Variants in IL1RAPL1 observed in about 807,000 individuals in gnomAD.
The protein encoded by IL1RAPL1 is interleukin 1 receptor accessory protein like 1, also known as interleukin-1 receptor accessory protein-like 1.
Under a neutral mutation model 48.4 loss-of-function variants are expected in IL1RAPL1, and 3 were observed. That is an observed-to-expected ratio of 0.06 (90% CI 0.03 to 0.16). The LOEUF is 0.16. Ranked by LOEUF, IL1RAPL1 falls within the 10% of genes least tolerant of loss-of-function variation. IL1RAPL1 has a pLI of 1.00. For synonymous variants in IL1RAPL1, 185 were observed against 187.7 expected (o/e 0.99, Z 0.12); for missense variants, 349 against 530.6 (o/e 0.66, Z 3.36).
chrX:29,520,851 A>G (rs1349766911), intron 5 of IL1RAPL1, among the ~76,000 whole-genome samples: 1 of 111,303 alleles, frequency 9.0e-6, no homozygotes, highest in Non-Finnish European at 1.9e-5. Flanking sequence ...TACTTAATCT[A>G]GGTCTTAACA....
At chrX:29,639,135 G>A (rs181222479) in intron 5 of IL1RAPL1, among the ~76,000 whole-genome samples, 1 of 105,881 alleles carries the variant, frequency 9.4e-6, no homozygotes, top group African/African-American at 3.5e-5. Context: ...GCAGTGAGCC[G>A]AGATCGGGCC....
At chrX:29,707,231 A>G (rs1927221792) in intron 6 of IL1RAPL1, among the ~76,000 whole-genome samples, 1 of 111,750 alleles carries the variant, frequency 8.9e-6, no homozygotes, top group Non-Finnish European at 1.9e-5. Flanking sequence ...TTAAAACCAC[A>G]ATGCAGTACC....
intron 6 of IL1RAPL1, among the ~76,000 whole-genome samples, chrX:29,781,871 A>G (rs146987025): frequency 8.1e-4 from 90 of 111,612 alleles, no homozygotes; most frequent in African/African-American, 2.8e-3. Flanking sequence ...GCTAAGTATC[A>G]CTACCTCCTT....
At chrX:29,325,907 A>G (rs186302304) in intron 3 of IL1RAPL1, among the ~76,000 whole-genome samples, 5 of 110,938 alleles carry the variant, frequency 4.5e-5, no homozygotes, top group Non-Finnish European at 1.9e-5. Context: ...GAGGTGCCAC[A>G]GTTTTAAACA....
chrX:28,917,829 C>T (rs1177766125), intron 2 of IL1RAPL1, among the ~76,000 whole-genome samples: 1 of 112,347 alleles, frequency 8.9e-6, no homozygotes, highest in Non-Finnish European at 1.9e-5. Flanking sequence ...TAGGTACATT[C>T]ACATTGTTAT....
intron 1 of IL1RAPL1, among the ~76,000 whole-genome samples, chrX:28,730,488 ATATT>A (rs1935740793): frequency 8.9e-6 from 1 of 111,974 alleles, no homozygotes; most frequent in South Asian, 3.6e-4. Context: ...TAGAATGAAC[ATATT>A]TATTCAATAA....
At chrX:29,085,720 G>A (rs978306532) in intron 2 of IL1RAPL1, among the ~76,000 whole-genome samples, 1 of 111,524 alleles carries the variant, frequency 9.0e-6, no homozygotes, top group African/African-American at 3.3e-5. Context: ...TGGTGGGCAC[G>A]ATAGCAAATT....
At chrX:29,839,382 C>G (rs1931085541) in intron 6 of IL1RAPL1, among the ~76,000 whole-genome samples, 1 of 111,991 alleles carries the variant, frequency 8.9e-6, no homozygotes, top group Admixed American at 9.5e-5. Context: ...TTATACAAAG[C>G]AAATATTCTA....
intron 2 of IL1RAPL1, among the ~76,000 whole-genome samples, chrX:29,125,063 T>C (rs1167906679): frequency 1.8e-5 from 2 of 112,347 alleles, no homozygotes; most frequent in African/African-American, 6.5e-5. Context: ...CCTCTAAACA[T>C]GACCAAGATT....
At chrX:29,845,359 G>T (rs1470618922) in intron 6 of IL1RAPL1, among the ~76,000 whole-genome samples, 1 of 111,461 alleles carries the variant, frequency 9.0e-6, no homozygotes, top group East Asian at 2.8e-4. Flanking sequence ...GTTTGAAGAT[G>T]ATTCCAGAAC....
chrX:29,803,363 ACATATGTATATATGTATAC>A (rs1930134355), intron 6 of IL1RAPL1, among the ~76,000 whole-genome samples: 1 of 85,267 alleles, frequency 1.2e-5, no homozygotes, highest in African/African-American at 4.4e-5. Flanking sequence ...ACATGTATAC[ACATATGTATATATGTATAC>A]ATGTATACAC....
chrX:29,787,472 T>A (rs1483937138), intron 6 of IL1RAPL1, among the ~76,000 whole-genome samples: 1 of 112,190 alleles, frequency 8.9e-6, no homozygotes, highest in Non-Finnish European at 1.9e-5. Context: ...AGTTCTATAT[T>A]AGTAATGTGT....
chrX:29,787,322 A>G lies in IL1RAPL1; in HGVS notation c.778+118818A>G, dbSNP rs986119911. Among the ~76,000 whole-genome samples, 3 of 111,998 alleles carry G rather than the reference A, an allele frequency of 2.7e-5. No homozygotes were observed. In the Admixed American group the frequency reaches 2.8e-4, roughly 11 times the overall value. On this transcript the variant is annotated intron_variant, in intron 6 of 10. Coordinates refer to ENST00000378993, the MANE Select transcript of IL1RAPL1 (RefSeq NM_014271.4). ...AGGGCAAAGCAAGAGACCTGGCACAATGCCCATATTCTGAATTCTGTATAA... is the reference window on the plus strand; with the variant it reads ...AGGGCAAAGCAAGAGACCTGGCACAGTGCCCATATTCTGAATTCTGTATAA...
chrX:29,233,450 T>G (rs756568880), intron 2 of IL1RAPL1, among the ~76,000 whole-genome samples: 1 of 112,138 alleles, frequency 8.9e-6, no homozygotes, highest in Admixed American at 9.5e-5. Flanking sequence ...TAGTCTTATT[T>G]AATCTTTCTT....
chrX:29,483,675 G>A (rs1935064342), intron 5 of IL1RAPL1, among the ~76,000 whole-genome samples: 1 of 101,307 alleles, frequency 9.9e-6, no homozygotes. Context: ...CTAGCAGAAA[G>A]TACTACAGTA....
chrX:28,702,678 T>C (rs1935314445), intron 1 of IL1RAPL1, among the ~76,000 whole-genome samples: 1 of 111,873 alleles, frequency 8.9e-6, no homozygotes, highest in Non-Finnish European at 1.9e-5. Flanking sequence ...TGCTGAAATA[T>C]GTTGGATTTC....
Position 29,125,237 on chromosome X carries a change from T to C in IL1RAPL1, c.83-157701T>C, listed in dbSNP as rs774616439. On this transcript the variant is annotated intron_variant, in intron 2 of 10. Transcript: ENST00000378993. ...TCATAGGTCAAATTAGTCAGGCTGC[T>C]GTTCTAACACTGATAATTATATCCA... 2.9e-4 allele frequency among the ~76,000 whole-genome samples: 33 copies of C among 112,501 alleles called. No individual in the cohort carries two copies. In the South Asian group the frequency reaches 0.011, roughly 39 times the overall value.
intron 6 of IL1RAPL1, among the ~76,000 whole-genome samples, chrX:29,677,617 T>C (rs1313446941): frequency 8.9e-6 from 1 of 111,948 alleles, no homozygotes; most frequent in Non-Finnish European, 1.9e-5. Context: ...TTCATCGATA[T>C]GAAACTGCAA....
At chrX:28,639,177 C>T (rs961247772) in intron 1 of IL1RAPL1, among the ~76,000 whole-genome samples, 1 of 111,758 alleles carries the variant, frequency 8.9e-6, no homozygotes, top group Non-Finnish European at 1.9e-5. Context: ...TCCCATTCTC[C>T]CTCTGGGAGC....
Sources: gnomAD v4.1 joint callset for allele counts (sites outside exome capture counted in the v4.1 genomes callset) on GRCh38, gnomAD v4.1.1 for gene constraint, MANE v1.5 for transcripts, NCBI Gene and HGNC (gene_info 2026-07-23, HGNC 2026-07-21) for gene names.